IL1RAPL2: variants seen among roughly 807,000 people sequenced by gnomAD.
IL1RAPL2 encodes interleukin 1 receptor accessory protein like 2.
IL1RAPL2 carries 3 observed loss-of-function variants against 44.1 expected under a neutral mutation model. That is an observed-to-expected ratio of 0.07 (90% CI 0.03 to 0.18). The LOEUF (loss-of-function observed/expected upper bound fraction) is 0.18, where lower values mean the gene tolerates loss of function less well. Ranked by LOEUF, IL1RAPL2 falls within the 10% of genes least tolerant of loss-of-function variation. IL1RAPL2 has a pLI of 1.00. For missense variants in IL1RAPL2, 391 were observed against 496.4 expected, an observed-to-expected ratio of 0.79 and a Z score of 2.02; for synonymous variants, 181 against 178.8, an observed-to-expected ratio of 1.01 and a Z score of -0.10.
intron 2 of IL1RAPL2, among the ~76,000 whole-genome samples, chrX:105,033,303 A>G (rs1367989055): frequency 9.0e-6 from 1 of 111,426 alleles, no homozygotes; most frequent in Non-Finnish European, 1.9e-5. Flanking sequence ...TAGTTGATGC[A>G]GTTTCTTCCT....
intron 5 of IL1RAPL2, among the ~76,000 whole-genome samples, chrX:105,428,952 G>A (rs1264499725): frequency 9.0e-6 from 1 of 111,211 alleles, no homozygotes; most frequent in African/African-American, 3.3e-5. Context: ...GCAGTCTGCT[G>A]GATTAGATGG....
intron 1 of IL1RAPL2, among the ~76,000 whole-genome samples, chrX:104,582,607 T>A (rs1928385870): frequency 2.5e-5 from 1 of 40,762 alleles, no homozygotes; most frequent in East Asian, 1.4e-3. Context: ...TTTCTTTCTT[T>A]CTTTCTTTCT....
At chrX:105,309,731 C>CAA (rs35442561) in intron 5 of IL1RAPL2, among the ~76,000 whole-genome samples, 6,130 of 94,573 alleles carry the variant, frequency 0.065, 450 homozygotes, top group African/African-American at 0.2. Flanking sequence ...GACTCTGTCT[C>CAA]AAAAAAAAAA....
chrX:105,240,915 A>G (rs989210069), intron 4 of IL1RAPL2, among the ~76,000 whole-genome samples: 2 of 111,541 alleles, frequency 1.8e-5, no homozygotes, highest in African/African-American at 3.3e-5. Flanking sequence ...TTTTGAGGTC[A>G]GGAGTTTTAG....
chrX:104,737,668 C>T (rs1932036405), intron 2 of IL1RAPL2, among the ~76,000 whole-genome samples: 1 of 111,841 alleles, frequency 8.9e-6, no homozygotes, highest in Non-Finnish European at 1.9e-5. Context: ...CAAGACCTGT[C>T]AGTGACTTGG....
intron 6 of IL1RAPL2, among the ~76,000 whole-genome samples, chrX:105,625,839 A>AAACAGCAG (rs1255167573): frequency 8.9e-6 from 1 of 111,769 alleles, no homozygotes; most frequent in East Asian, 2.8e-4. Context: ...CGGCAGATTC[A>AAACAGCAG]AACAGCAGTT....
chrX:105,232,781 G>C (rs1197521420), intron 3 of IL1RAPL2, among the ~76,000 whole-genome samples: 2 of 112,316 alleles, frequency 1.8e-5, no homozygotes, highest in Non-Finnish European at 3.7e-5. Flanking sequence ...CAAGAAGACA[G>C]AATTTTTGTT....
At chrX:105,450,563 G>A (rs934236951) in intron 5 of IL1RAPL2, among the ~76,000 whole-genome samples, 1 of 111,745 alleles carries the variant, frequency 8.9e-6, no homozygotes, top group South Asian at 3.8e-4. Context: ...GCTAGCCTCA[G>A]CCTCTCAGTT....
At chrX:105,553,327 G>A (rs750309495) in intron 6 of IL1RAPL2, among the ~76,000 whole-genome samples, 1 of 112,053 alleles carries the variant, frequency 8.9e-6, no homozygotes, top group Non-Finnish European at 1.9e-5. Context: ...ACCACCTGAA[G>A]GAGGGCATGT....
intron 6 of IL1RAPL2, among the ~76,000 whole-genome samples, chrX:105,648,784 C>T (rs1438523867): frequency 1.8e-5 from 2 of 111,940 alleles, no homozygotes. Context: ...AAGCTGATCA[C>T]TAATTTCACT....
chrX:105,586,263 G>C (rs2037127852), intron 6 of IL1RAPL2, among the ~76,000 whole-genome samples: 1 of 111,725 alleles, frequency 9.0e-6, no homozygotes, highest in Non-Finnish European at 1.9e-5. Context: ...CAGCATCACT[G>C]ATCATTAGAG....
chrX:104,818,059 ATAGT>A (rs1431634965), intron 2 of IL1RAPL2, among the ~76,000 whole-genome samples: 23 of 110,530 alleles, frequency 2.1e-4, no homozygotes, highest in African/African-American at 6.9e-4. Flanking sequence ...ATATCAGTAT[ATAGT>A]TAGTCAGTTT....
At chrX:104,653,161 T>A (rs1056610183) in intron 1 of IL1RAPL2, among the ~76,000 whole-genome samples, 1 of 111,686 alleles carries the variant, frequency 9.0e-6, no homozygotes, top group Admixed American at 9.5e-5. Context: ...TGGAAATCCC[T>A]TGCAAGATTA....
intron 5 of IL1RAPL2, among the ~76,000 whole-genome samples, chrX:105,461,070 G>A (rs955775013): frequency 3.6e-5 from 4 of 111,641 alleles, no homozygotes; most frequent in East Asian, 2.8e-4. Flanking sequence ...CCTATGTTAC[G>A]TTGAGGTGAT....
intron 1 of IL1RAPL2, among the ~76,000 whole-genome samples, chrX:104,652,734 C>T (rs926781128): frequency 4.1e-4 from 46 of 112,021 alleles, no homozygotes; most frequent in African/African-American, 1.5e-3. Context: ...CAATGATAAA[C>T]ATTTCAATCT....
At chrX:105,741,246 C>T (rs181307985) in intron 8 of IL1RAPL2, among the ~76,000 whole-genome samples, 5 of 110,797 alleles carry the variant, frequency 4.5e-5, no homozygotes, top group Non-Finnish European at 7.6e-5. Context: ...TGGTTCCAGA[C>T]GGGGTGGAAA....
At chrX:105,172,198 T>C (rs1202627490) in intron 2 of IL1RAPL2, among the ~76,000 whole-genome samples, 1 of 112,559 alleles carries the variant, frequency 8.9e-6, no homozygotes, top group African/African-American at 3.2e-5. Context: ...GGAACTGATA[T>C]GTGGGGCCCC....
chrX:105,028,799 C>T (rs2031422679), intron 2 of IL1RAPL2, among the ~76,000 whole-genome samples: 1 of 111,016 alleles, frequency 9.0e-6, no homozygotes, highest in African/African-American at 3.3e-5. Context: ...TACATAAGAA[C>T]AAGGACTTGA....
chrX:105,219,546 AGCCTCCACAGGGGGAGCCATG>A (rs782741680), intron 3 of IL1RAPL2: 9 of 1,206,533 alleles, frequency 7.5e-6, no homozygotes, highest in Non-Finnish European at 8.9e-6. Context: ...GGGCAGCCCC[AGCCTCCACAGGGGGAGCCATG>A]GCCTCCACAG....
Sources: gnomAD v4.1 joint callset for allele counts (sites outside exome capture counted in the v4.1 genomes callset) on GRCh38, gnomAD v4.1.1 for gene constraint, MANE v1.5 for transcripts, NCBI Gene and HGNC (gene_info 2026-07-23, HGNC 2026-07-21) for gene names.